HIVEP3: variants seen among roughly 807,000 people sequenced by gnomAD.
HIVEP3 encodes the protein transcription factor HIVEP3.
In HIVEP3, 49 loss-of-function variants were observed where a neutral mutation model predicts 152.8. The ratio of observed to expected loss-of-function variants is 0.32; its 90% confidence interval spans 0.26 to 0.41. The LOEUF is 0.41. Among genes scored for constraint, HIVEP3 ranks in the 10% least tolerant of loss-of-function variants. HIVEP3 has a pLI of 1.00. For synonymous variants in HIVEP3, 1,269 were observed against 1,289.0 expected (o/e 0.98, Z 0.33); for missense variants, 2,790 against 3,103.3 (o/e 0.90, Z 2.40).
intron 1 of HIVEP3, among the ~76,000 whole-genome samples, chr1:41,761,570 A>C (rs990421303): frequency 1.3e-5 from 2 of 152,156 alleles, no homozygotes; most frequent in African/African-American, 4.8e-5. Context: ...GTGTGCCTGT[A>C]TATACATGTG....
chr1:41,582,360 T>A lies in HIVEP3; in HGVS notation c.2438A>T (p.Glu813Val), dbSNP rs903902223. 49 of 1,614,090 alleles carry A rather than the reference T, an allele frequency of 3.0e-5. No homozygotes were observed. The highest frequency in any genetic ancestry group is 4.2e-5 in the Non-Finnish European group (49 of 1,180,008). The change falls in exon 4 of 9, where the codon GAG becomes GTG. Residue 813 changes from glutamate to valine, a missense_variant. Transcript: ENST00000372583. The surrounding 1 kb of genome is among the most constrained non-coding windows in gnomAD (Gnocchi z 4.7). The part of the protein sequence containing the change: ...TSSFEKSDSL[E>V]QPSGLEGEDK... ...TTCCCCTTCCAAGCCACTCGGCTGC[T>A]CGAGAGAATCAGATTTCTCAAAGGA...
chr1:41,718,381 G>A (rs191661391), intron 1 of HIVEP3, among the ~76,000 whole-genome samples: 48 of 152,328 alleles, frequency 3.2e-4, no homozygotes, highest in African/African-American at 9.4e-4. Flanking sequence ...CTGTAAAATG[G>A]CACTAAGATG....
chr1:41,528,537 T>TCA (rs144778768), intron 5 of HIVEP3, among the ~76,000 whole-genome samples: 7,758 of 8,046 alleles, frequency 0.96, 3,769 homozygotes, highest in East Asian at 1. Flanking sequence ...ACATTCACCC[T>TCA]GACTCACACC....
intron 2 of HIVEP3, among the ~76,000 whole-genome samples, chr1:41,668,001 G>A (rs1645822399): frequency 6.6e-6 from 1 of 152,176 alleles, no homozygotes; most frequent in African/African-American, 2.4e-5. Context: ...TGAACACAAG[G>A]TAAACAGCAA....
chr1:41,678,459 C>G (rs964268117), intron 2 of HIVEP3, among the ~76,000 whole-genome samples: 2 of 149,846 alleles, frequency 1.3e-5, no homozygotes, highest in Non-Finnish European at 2.9e-5. Context: ...TGCTCTAGGC[C>G]AGGGGCTTGG....
chr1:42,014,242 G>A (rs1288081306), intron 1 of HIVEP3, among the ~76,000 whole-genome samples: 1 of 152,052 alleles, frequency 6.6e-6, no homozygotes, highest in Non-Finnish European at 1.5e-5. Context: ...AAAGGAAATG[G>A]CATGCCACAA....
chr1:41,636,177 C>A (rs1282027086), intron 2 of HIVEP3, among the ~76,000 whole-genome samples: 1 of 152,126 alleles, frequency 6.6e-6, no homozygotes, highest in Non-Finnish European at 1.5e-5. Flanking sequence ...ACAAACAAAT[C>A]CGCAGGTAAA....
intron 5 of HIVEP3, among the ~76,000 whole-genome samples, chr1:41,567,440 C>T (rs1644181016): frequency 6.6e-6 from 1 of 152,218 alleles, no homozygotes; most frequent in South Asian, 2.1e-4. Context: ...GGAAATAGCC[C>T]AGTGTGGGCT....
chr1:41,975,139 G>A (rs1367026391), intron 1 of HIVEP3, among the ~76,000 whole-genome samples: 1 of 152,154 alleles, frequency 6.6e-6, no homozygotes, highest in African/African-American at 2.4e-5. Context: ...ACAATTATGA[G>A]GAGCCATCCA....
intron 2 of HIVEP3, among the ~76,000 whole-genome samples, chr1:41,693,131 C>T (rs1177309870): frequency 6.6e-6 from 1 of 152,178 alleles, no homozygotes; most frequent in Admixed American, 6.5e-5. Flanking sequence ...TCTCTCTGAT[C>T]TCAGACTCCA....
chr1:41,590,900 C>T (rs1410670795), intron 3 of HIVEP3, among the ~76,000 whole-genome samples: 1 of 152,138 alleles, frequency 6.6e-6, no homozygotes, highest in South Asian at 2.1e-4. Flanking sequence ...GCAGCTGAAC[C>T]CTGGCTCCTC....
At chr1:41,880,946 T>TATATTAG (rs1388486179) in intron 1 of HIVEP3, among the ~76,000 whole-genome samples, 1 of 152,228 alleles carries the variant, frequency 6.6e-6, no homozygotes, top group African/African-American at 2.4e-5. Context: ...AAAGGCCAGT[T>TATATTAG]AACTATGTCT....
Position 41,582,529 on chromosome 1 carries a change from G to A in HIVEP3, c.2269C>T (p.Pro757Ser), listed in dbSNP as rs1211835426. Residue 757 changes from proline to serine, a missense_variant, in exon 4 of 9, where the codon CCA becomes TCA. Physicochemically the swap from Pro to Ser is moderately conservative, Grantham distance 74. Transcript: ENST00000372583. This position sits in a 1 kb window ranked among gnomAD's most constrained non-coding sequence, Gnocchi z 4.7. ...RNLPLESTKS[P>S]AEPSKSVPSL... ...GGCACTGATTTACTTGGTTCTGCTG[G>A]TGACTTGGTGGACTCCAGGGGAAGG... is the stretch of plus-strand genomic sequence containing the variant. 8 of 1,611,384 alleles carry A rather than the reference G, an allele frequency of 5.0e-6. No individual in the cohort carries two copies. The East Asian group carries it at 1.6e-4, about 31-fold the overall frequency.
intron 3 of HIVEP3, among the ~76,000 whole-genome samples, chr1:41,605,463 A>G (rs1381131454): frequency 6.6e-6 from 1 of 152,168 alleles, no homozygotes; most frequent in East Asian, 1.9e-4. Context: ...TGGTTTGTGT[A>G]CATAACTGTA....
At chr1:41,694,510 T>C (rs1453476854) in intron 2 of HIVEP3, among the ~76,000 whole-genome samples, 1 of 152,218 alleles carries the variant, frequency 6.6e-6, no homozygotes, top group Non-Finnish European at 1.5e-5. Context: ...AATTGTGAAA[T>C]GAAACAAATC....
At chr1:41,622,393 G>T (rs191699692) in intron 3 of HIVEP3, among the ~76,000 whole-genome samples, 3 of 152,188 alleles carry the variant, frequency 2.0e-5, no homozygotes, top group East Asian at 1.9e-4. Flanking sequence ...GAGCAGGGGT[G>T]GGGGAGGAAG....
At chr1:41,718,916 G>C (rs962412913) in intron 1 of HIVEP3, among the ~76,000 whole-genome samples, 4 of 152,228 alleles carry the variant, frequency 2.6e-5, no homozygotes, top group African/African-American at 7.2e-5. Flanking sequence ...ATTTTAGCTG[G>C]GGGTCAAGGT....
chr1:41,713,151 C>A (rs2124152823), intron 1 of HIVEP3, among the ~76,000 whole-genome samples: 1 of 152,352 alleles, frequency 6.6e-6, no homozygotes, highest in Non-Finnish European at 1.5e-5. Flanking sequence ...CTGCAGCAGG[C>A]TTGGTAGGCA....
At chr1:41,901,171 T>C (rs1194892461) in intron 1 of HIVEP3, among the ~76,000 whole-genome samples, 2 of 151,972 alleles carry the variant, frequency 1.3e-5, no homozygotes, top group South Asian at 2.1e-4. Flanking sequence ...CCCAAGCAGC[T>C]TGGGGGACAG....
Sources: allele counts gnomAD v4.1 joint callset (sites outside exome capture counted in the v4.1 genomes callset), GRCh38; gene constraint gnomAD v4.1.1; non-coding constraint Gnocchi (gnomAD v3.1); transcripts MANE v1.5; gene names NCBI Gene and HGNC (gene_info 2026-07-23, HGNC 2026-07-21).